NADSYN1: variants seen among roughly 807,000 people sequenced by gnomAD.
The protein encoded by NADSYN1 is glutamine-dependent NAD(+) synthetase.
In NADSYN1, 80 loss-of-function variants were observed where a neutral mutation model predicts 99.3. The observed-to-expected ratio is 0.81, with a 90% CI of 0.67 to 0.97. The LOEUF (loss-of-function observed/expected upper bound fraction) is 0.97, where lower values mean the gene tolerates loss of function less well. NADSYN1 is among the 50% of genes least tolerant of loss of function. The pLI, the probability that NADSYN1 is intolerant of heterozygous loss-of-function variation, is 0.00. For synonymous variants in NADSYN1, 385 were observed against 372.1 expected (o/e 1.03, Z -0.40); for missense variants, 859 against 948.5 (o/e 0.91, Z 1.24).
intron 18 of NADSYN1, 122 bp downstream of exon 18, chr11:71,492,025 TG>T: frequency 1.1e-6 from 1 of 872,338 alleles, no homozygotes. Context: ...ACTGGGTCCC[TG>T]GCCTGGGTGC....
At chr11:71,480,304 G>A (rs1292245715) in intron 10 of NADSYN1, 1 of 171,222 alleles carries the variant, frequency 5.8e-6, no homozygotes, top group Non-Finnish European at 1.3e-5. Flanking sequence ...CTCCCTAGTA[G>A]CTGGGATTAC....
chr11:71,458,385 A>C (rs772509234), intron 2 of NADSYN1, 43 bp from the exon 3 acceptor site: 1 of 1,497,306 alleles, frequency 6.7e-7, no homozygotes, highest in African/African-American at 1.4e-5. Flanking sequence ...CTCCCCGCTC[A>C]CCTGAGTTGT....
At chr11:71,483,637 G>A (rs1044817351) in intron 14 of NADSYN1, among the ~76,000 whole-genome samples, 2 of 152,168 alleles carry the variant, frequency 1.3e-5, no homozygotes, top group African/African-American at 4.8e-5. Flanking sequence ...CATCCTGTTT[G>A]TTGAGCTCAG....
At chr11:71,495,683 C>A (rs929430929) in intron 18 of NADSYN1, among the ~76,000 whole-genome samples, 1 of 152,238 alleles carries the variant, frequency 6.6e-6, no homozygotes, top group African/African-American at 2.4e-5. Flanking sequence ...ATGCTCACTT[C>A]ATGGGAAAGA....
chr11:71,476,935 G>A, intron 9 of NADSYN1: 1 of 990,780 alleles, frequency 1.0e-6, no homozygotes, highest in Non-Finnish European at 1.2e-6. Flanking sequence ...AGTTCCTGAT[G>A]TTGCCTGAGA....
Position 71,485,651 on chromosome 11 carries a change from G to A in NADSYN1, c.1562+3G>A. 1 of 1,551,892 alleles carries A rather than the reference G, an allele frequency of 6.4e-7. No individual in the cohort carries two copies. Among genetic ancestry groups the A allele is most frequent in the South Asian group, 1.2e-5 (1 of 84,038 alleles). The stretch of plus-strand genomic sequence containing the variant: ...GGATCCGCCAACGTGGATGAGAGGT[G>A]AGTGTGGCCCAGTGGCACGTGGTGG... On this transcript the variant is annotated splice_donor_region_variant and intron_variant, in intron 16 of 20. Coordinates refer to ENST00000319023, the MANE Select transcript of NADSYN1 (RefSeq NM_018161.5).
rs1949570348 is a variant in NADSYN1 at position 71,464,068 on chromosome 11, C to G, written c.333C>G (p.Ile111Met). The G allele has an allele frequency of 6.2e-7, 1 of 1,612,048 alleles. No individual in the cohort carries two copies. The highest frequency in any genetic ancestry group is 1.3e-5 in the African/African-American group (1 of 74,910). ...VIFLNRKILL[I>M]RPKMALANEG... ...CTGTCTGCAGGAAGATCCTGCTCATCAGACCCAAGATGGCCTTGGCCAATG... is the reference window on the plus strand; with the variant it reads ...CTGTCTGCAGGAAGATCCTGCTCATGAGACCCAAGATGGCCTTGGCCAATG... The change falls in exon 5 of 21, where the codon ATC becomes ATG. Residue 111 changes from isoleucine to methionine, a missense_variant. By Grantham distance (10) the Ile-to-Met change is conservative. Coordinates refer to ENST00000319023, the MANE Select transcript of NADSYN1 (RefSeq NM_018161.5).
rs373599670 is a variant in NADSYN1 at position 71,484,455 on chromosome 11, C to T, written c.1455+8C>T. 2.1e-5 allele frequency: 34 copies of T among 1,611,282 alleles called. No homozygotes were observed. The African/African-American group carries it at 2.3e-4, about 11-fold the overall frequency. ...GCGCTGCAAAATGTGCAGGTGCCCC[C>T]GCCTGGGCCGGCGTCCCCTGGGGGT... On this transcript the variant is annotated splice_region_variant and intron_variant, in intron 15 of 20. Transcript: ENST00000319023.
intron 3 of NADSYN1, chr11:71,459,724 G>A (rs12806844): frequency 0.54 from 81,542 of 152,368 alleles, 25,633 homozygotes; most frequent in Non-Finnish European, 0.74. Context: ...TTCTTCCTTG[G>A]CATCTGCCTG....
intron 1 of NADSYN1, 141 bp from the exon 2 acceptor site, chr11:71,454,969 C>G: frequency 1.5e-6 from 1 of 647,998 alleles, no homozygotes; most frequent in Non-Finnish European, 2.7e-6. Context: ...CTGACTGCAT[C>G]CCGTCTGGGA....
At chr11:71,459,856 T>TC (rs1949539644) in intron 3 of NADSYN1, 1 of 152,308 alleles carries the variant, frequency 6.6e-6, no homozygotes, top group Admixed American at 6.5e-5. Context: ...TGCTAATTGG[T>TC]CCTGTGGACT....
intron 2 of NADSYN1, among the ~76,000 whole-genome samples, chr11:71,455,980 C>T (rs115374798): frequency 2.0e-5 from 3 of 152,350 alleles, no homozygotes; most frequent in South Asian, 4.1e-4. Flanking sequence ...CGTTGTAAGT[C>T]TCTTGTAAGC....
intron 9 of NADSYN1, chr11:71,476,627 TC>T (rs2120456403): frequency 2.0e-6 from 2 of 986,222 alleles, no homozygotes; most frequent in Admixed American, 6.1e-5. Context: ...CCCAGAGGCC[TC>T]CTTGCGCTTC....
intron 16 of NADSYN1, among the ~76,000 whole-genome samples, chr11:71,487,967 TTC>T (rs1160630200): frequency 6.6e-6 from 1 of 152,290 alleles, no homozygotes; most frequent in South Asian, 2.1e-4. Context: ...ACTGAAGCCC[TTC>T]TCTCTGTTTC....
chr11:71,469,311 A>G (rs895449378), intron 5 of NADSYN1, among the ~76,000 whole-genome samples: 2 of 152,150 alleles, frequency 1.3e-5, no homozygotes, highest in East Asian at 3.9e-4. Context: ...TCTACCAAAG[A>G]AAATACAAAA....
chr11:71,481,982 C>T lies in NADSYN1; in HGVS notation c.1107C>T (p.Ile369=). Residue 369 remains isoleucine, a synonymous_variant, in exon 13 of 21, where the codon ATC becomes ATT. Transcript: ENST00000319023. ...GVDSAATACL[I]YSMCCQVCEA... ...ACAGCGCAGCCACCGCCTGCCTCAT[C>T]TACTCCATGTGCTGCCAGGTCTGCG... 1.2e-6 allele frequency: 2 copies of T among 1,612,228 alleles called. No homozygotes were observed. Among genetic ancestry groups the T allele is most frequent in the Non-Finnish European group, 1.7e-6 (2 of 1,179,168 alleles).
At chr11:71,482,090 G>A (rs757289552) in intron 13 of NADSYN1, 65 bp downstream of exon 13, 10 of 1,434,174 alleles carry the variant, frequency 7.0e-6, no homozygotes, top group South Asian at 1.2e-5. Context: ...CTGAGTTAGG[G>A]ACCTAGGAGG....
intron 16 of NADSYN1, among the ~76,000 whole-genome samples, chr11:71,489,300 G>A (rs1949763978): frequency 6.6e-6 from 1 of 152,130 alleles, no homozygotes; most frequent in Admixed American, 6.5e-5. Flanking sequence ...AGTCTCACCA[G>A]TCCGCCAGTT....
chr11:71,481,610 A>C, intron 12 of NADSYN1: 1 of 618,582 alleles, frequency 1.6e-6, no homozygotes, highest in Non-Finnish European at 2.8e-6. Context: ...CCACCTTTGG[A>C]GGCTCAGCGG....
Sources: allele counts gnomAD v4.1 joint callset (sites outside exome capture counted in the v4.1 genomes callset), GRCh38; gene constraint gnomAD v4.1.1; transcripts MANE v1.5; gene names NCBI Gene and HGNC (gene_info 2026-07-23, HGNC 2026-07-21).